Variants in AKNA observed in about 807,000 individuals in gnomAD.
The protein encoded by AKNA is microtubule organization protein AKNA.
Under a neutral mutation model 138.8 loss-of-function variants are expected in AKNA, and 67 were observed. That is an observed-to-expected ratio of 0.48 (90% CI 0.40 to 0.59). AKNA has a LOEUF of 0.59. Ranked by LOEUF, AKNA falls within the 20% of genes least tolerant of loss-of-function variation. The pLI, the probability that AKNA is intolerant of heterozygous loss-of-function variation, is 0.00. For synonymous variants in AKNA, 737 were observed against 754.4 expected, an observed-to-expected ratio of 0.98 and a Z score of 0.38; for missense variants, 1,813 against 1,880.4, an observed-to-expected ratio of 0.96 and a Z score of 0.66.
At position 114,361,764 on chromosome 9, in the gene AKNA, C is replaced by A; in HGVS notation, c.2064G>T (p.Thr688=). The stretch of plus-strand genomic sequence containing the variant: ...CTTGTCCAGAAGGAGCAGGCAGGTG[C>A]GTTGGCTGATGGAGGCAGGGCAGGG... The part of the protein sequence containing the change: ...TPALPCLHQP[T]HLPAPSGQAP... The change falls in exon 9 of 22, where the codon ACG becomes ACT. Residue 688 remains threonine, a synonymous_variant. Coordinates refer to ENST00000374088, the MANE Select transcript of AKNA (RefSeq NM_001317950.2). 1 of 1,613,740 alleles carries A rather than the reference C, an allele frequency of 6.2e-7. No individual in the cohort carries two copies. Among genetic ancestry groups the A allele is most frequent in the South Asian group, 1.1e-5 (1 of 91,050 alleles).
At chr9:114,348,590 A>G (rs1413718334) in intron 15 of AKNA, among the ~76,000 whole-genome samples, 1 of 152,236 alleles carries the variant, frequency 6.6e-6, no homozygotes, top group Non-Finnish European at 1.5e-5. Flanking sequence ...CTGCAAGACT[A>G]TAGTAAATCC....
chr9:114,391,853 C>CA (rs61158842), upstream of AKNA, among the ~76,000 whole-genome samples: 15,575 of 62,954 alleles, frequency 0.25, 2,336 homozygotes, highest in Admixed American at 0.28. Flanking sequence ...GACTCTGTCT[C>CA]AAAAAAAAAA....
chr9:114,356,217 T>G, intron 13 of AKNA, 81 bp from the exon 14 acceptor site: 1 of 1,348,134 alleles, frequency 7.4e-7, no homozygotes, highest in Admixed American at 2.3e-5. Flanking sequence ...CCCCTCCACA[T>G]GCTAACCCAA....
intron 11 of AKNA, 120 bp from the exon 12 acceptor site, chr9:114,358,287 G>A (rs1406180854): frequency 7.1e-7 from 1 of 1,402,622 alleles, no homozygotes; most frequent in East Asian, 2.5e-5. Flanking sequence ...ATCCCTGGCT[G>A]CCCAGCCTGG....
intron 4 of AKNA, among the ~76,000 whole-genome samples, chr9:114,371,856 G>A (rs964953121): frequency 2.6e-5 from 4 of 152,112 alleles, no homozygotes; most frequent in Non-Finnish European, 5.9e-5. Flanking sequence ...TCTGAGGACT[G>A]CCTCTGAACT....
At chr9:114,381,730 G>A (rs570095186) in intron 1 of AKNA, among the ~76,000 whole-genome samples, 2 of 124,336 alleles carry the variant, frequency 1.6e-5, no homozygotes, top group East Asian at 5.4e-4. Context: ...GCACAATCTC[G>A]GCTCACTGCA....
In AKNA at chr9:114,381,354, C is replaced by A; in HGVS notation, c.-21G>T. 6.5e-7 allele frequency: 1 copy of A among 1,532,622 alleles called. No individual in the cohort carries two copies. The highest frequency in any genetic ancestry group is 2.4e-5 in the East Asian group (1 of 42,388). 94.9% of individuals were successfully genotyped at this position (1,532,622 alleles called of 1,614,324 possible). On this transcript the variant is annotated 5_prime_UTR_variant, in exon 2 of 22. Coordinates refer to ENST00000374088, the MANE Select transcript of AKNA (RefSeq NM_001317950.2). Reference sequence around the variant, plus strand: ...GCCATTGGGGCTGGCCTGGGCTTCACCTGGGCCACTTCATCTTCAGGAGAC... The same window carrying A: ...GCCATTGGGGCTGGCCTGGGCTTCAACTGGGCCACTTCATCTTCAGGAGAC...
chr9:114,386,201 A>G (rs1689311316), intron 1 of AKNA, among the ~76,000 whole-genome samples: 1 of 152,238 alleles, frequency 6.6e-6, no homozygotes, highest in Admixed American at 6.5e-5. Flanking sequence ...ATGACTTCCT[A>G]CTATATACCA....
At position 114,355,945 on chromosome 9, in the gene AKNA, C is replaced by A; in HGVS notation, c.3038G>T (p.Arg1013Leu). The change falls in exon 14 of 22, where the codon CGG (arginine) becomes CTG (leucine). Residue 1013 changes from arginine (R) to leucine (L), a missense_variant. By Grantham distance (102) the Arg-to-Leu change is moderately radical. Transcript: ENST00000374088. Reference protein sequence around the residue: ...RQRAPNFSLERTLAAEMAVPG... With the variant: ...RQRAPNFSLELTLAAEMAVPG... ...CTCACCCATCTCGGCTGCCAGTGTC[C>A]GCTCCAGGCTGAAGTTGGGTGCCCT... 6.2e-7 allele frequency: 1 copy of A among 1,614,144 alleles called. No individual in the cohort carries two copies. Among genetic ancestry groups the A allele is most frequent in the Non-Finnish European group, 8.5e-7 (1 of 1,180,010 alleles).
chr9:114,336,971 G>C lies in AKNA; in HGVS notation c.*83C>G, dbSNP rs1474695050. Reference sequence around the variant, plus strand: ...GTGAGGAACTATGCGGGCCTTCTGGGCCTCAGCAGCTCCAGCCCACTCCTG... The same window carrying C: ...GTGAGGAACTATGCGGGCCTTCTGGCCCTCAGCAGCTCCAGCCCACTCCTG... On this transcript the variant is annotated 3_prime_UTR_variant, in exon 22 of 22. Coordinates refer to ENST00000374088, the MANE Select transcript of AKNA (RefSeq NM_001317950.2). 3 of 1,425,160 alleles carry C rather than the reference G, an allele frequency of 2.1e-6. No individual in the cohort carries two copies. Among genetic ancestry groups the C allele is most frequent in the Non-Finnish European group, 2.8e-6 (3 of 1,083,562 alleles). The allele number at this position is 1,425,160 out of a possible 1,614,324, so 88.3% of individuals were successfully genotyped here.
At chr9:114,357,514 A>AGTGT (rs10534471) in intron 12 of AKNA, among the ~76,000 whole-genome samples, 19 of 151,058 alleles carry the variant, frequency 1.3e-4, no homozygotes, top group African/African-American at 3.6e-4. Context: ...GGACTACAGA[A>AGTGT]GTGTGTGTGT....
At chr9:114,361,669 A>G (rs1831970649) in intron 9 of AKNA, 35 bp downstream of exon 9, 1 of 1,607,518 alleles carries the variant, frequency 6.2e-7, no homozygotes, top group African/African-American at 1.3e-5. Context: ...TGAATGCACG[A>G]GGGAACAGCC....
chr9:114,367,404 G>A lies in AKNA; in HGVS notation c.1728+139C>T, dbSNP rs1832440836. On this transcript the variant is annotated intron_variant, in intron 6 of 21. Coordinates refer to ENST00000374088, the MANE Select transcript of AKNA (RefSeq NM_001317950.2). ...AACCAGGGAGGGGCTCATGTTTTGG[G>A]GATGGCTGAGTTAACTCGGTGCAGA... 1.4e-5 allele frequency: 15 copies of A among 1,048,506 alleles called. 1 individual carries two copies. In the South Asian group the frequency reaches 2.4e-4, roughly 17 times the overall value. 65.0% of individuals were successfully genotyped at this position (1,048,506 alleles called of 1,614,324 possible). A position where few individuals can be genotyped will look rare whatever the true frequency, so the allele number is the denominator to read the frequency against.
chr9:114,346,448 G>A (rs768929988), intron 17 of AKNA, among the ~76,000 whole-genome samples: 15 of 152,234 alleles, frequency 9.9e-5, no homozygotes, highest in Non-Finnish European at 1.5e-4. Context: ...TGGAGGTTAA[G>A]CAAGACAGCA....
At chr9:114,366,639 T>G (rs1338927098) in intron 6 of AKNA, among the ~76,000 whole-genome samples, 2 of 148,430 alleles carry the variant, frequency 1.3e-5, no homozygotes, top group African/African-American at 2.5e-5. Flanking sequence ...GTATGTGAAT[T>G]ATATTTCAGT....
intron 9 of AKNA, among the ~76,000 whole-genome samples, chr9:114,360,584 C>T (rs1189670196): frequency 6.6e-6 from 1 of 152,064 alleles, no homozygotes; most frequent in Non-Finnish European, 1.5e-5. Context: ...GTTTTCCTAC[C>T]CTCTAGGCCA....
Position 114,341,603 on chromosome 9 carries a change from GGGGCGCTGTTGCCA to G in AKNA, c.3983_3996del (p.Leu1328ProfsTer135). On this transcript the variant is annotated frameshift_variant, in exon 21 of 22. Transcript: ENST00000374088. LOFTEE classifies it high-confidence loss of function. ...GCAAAGGCTGGAGGGGCTGGTGCTG[GGGGCGCTGTTGCCA>G]GATACCACAGTCCGGGGGGTGGGCG... 6.2e-7 allele frequency: 1 copy of G among 1,614,004 alleles called. No individual in the cohort carries two copies. Among genetic ancestry groups the G allele is most frequent in the Non-Finnish European group, 8.5e-7 (1 of 1,179,984 alleles).
At chr9:114,388,259 G>A (rs1217355554), upstream of AKNA, among the ~76,000 whole-genome samples, 1 of 152,232 alleles carries the variant, frequency 6.6e-6, no homozygotes, top group African/African-American at 2.4e-5. Flanking sequence ...TGCAGGTACA[G>A]ATGGGGAGAC....
Position 114,362,504 on chromosome 9 carries a change from C to T in AKNA, c.1818G>A (p.Ala606=), listed in dbSNP as rs373401440. 1.1e-5 allele frequency: 18 copies of T among 1,613,248 alleles called. No homozygotes were observed. The highest frequency in any genetic ancestry group is 4.0e-5 in the African/African-American group (3 of 74,892). Residue 606 remains alanine (A), a synonymous_variant, in exon 8 of 22, where the codon GCG becomes GCA. Coordinates refer to ENST00000374088, the MANE Select transcript of AKNA (RefSeq NM_001317950.2). ...KGFQRLKAAH[A]ALEEEYLKAC... The stretch of plus-strand genomic sequence containing the variant: ...CCTTCAGGTACTCCTCCTCTAGGGC[C>T]GCGTGGGCAGCCTTCAGCCGCTGGA...
Sources: allele counts gnomAD v4.1 joint callset (sites outside exome capture counted in the v4.1 genomes callset), GRCh38; gene constraint gnomAD v4.1.1; transcripts MANE v1.5; gene names NCBI Gene and HGNC (gene_info 2026-07-23, HGNC 2026-07-21).